Variants in CYBB observed in about 807,000 individuals in gnomAD.
The protein encoded by CYBB is cytochrome b-245 beta chain, also known as NADPH oxidase 2.
Under a neutral mutation model 46.5 loss-of-function variants are expected in CYBB, and 5 were observed. That is an observed-to-expected ratio of 0.11 (90% confidence interval 0.06 to 0.23). The LOEUF (loss-of-function observed/expected upper bound fraction) is 0.23. Ranked by LOEUF, CYBB falls within the 10% of genes least tolerant of loss-of-function variation. CYBB has a pLI of 1.00. For synonymous variants in CYBB, 183 were observed against 156.7 expected, an observed-to-expected ratio of 1.17 and a Z score of -1.26; for missense variants, 307 against 428.3, an observed-to-expected ratio of 0.72 and a Z score of 2.50.
At chrX:37,798,658 A>G (rs1221203408) in intron 6 of CYBB, among the ~76,000 whole-genome samples, 3 of 112,467 alleles carry the variant, frequency 2.7e-5, no homozygotes, top group Non-Finnish European at 3.8e-5. Context: ...TTGTTTGTAA[A>G]TGAAAATGAT....
chrX:37,785,353 A>G (rs17312212), intron 3 of CYBB, among the ~76,000 whole-genome samples: 3,990 of 112,520 alleles, frequency 0.035, 74 homozygotes, highest in Middle Eastern at 0.11. Flanking sequence ...CTGAGAGCTA[A>G]CCAAAACCAA....
rs1427227376 is a variant in CYBB at position 37,811,061 on chromosome X, A to T, written c.*144A>T. On this transcript the variant is annotated 3_prime_UTR_variant, in exon 13 of 13. Transcript: ENST00000378588. ...GTTTTCCCTTAAAGGAATGTCAAAG[A>T]TTGTTTGATAGTGATAAGTTACATT... The T allele has an allele frequency of 1.8e-6, 1 of 557,304 alleles. No homozygotes were observed. Among genetic ancestry groups the T allele is most frequent in the East Asian group, 4.0e-5 (1 of 25,237 alleles). 45.9% of individuals were successfully genotyped at this position (557,304 alleles called of 1,213,427 possible).
intron 2 of CYBB, among the ~76,000 whole-genome samples, chrX:37,782,656 A>G (rs1556464661): frequency 8.9e-6 from 1 of 112,063 alleles, no homozygotes; most frequent in Non-Finnish European, 1.9e-5. Flanking sequence ...AACTTGCTCA[A>G]GGGCCACATC....
In CYBB at chrX:37,806,476, G is replaced by A; in HGVS notation, c.1404G>A (p.Arg468=). ...LQLLESQMQE[R]NNAGFLSYNI... ...TGCTGGAGAGCCAGATGCAGGAAAG[G>A]AACAATGCCGGCTTCCTCAGCTACA... The change falls in exon 11 of 13, where the codon AGG becomes AGA. Residue 468 remains arginine, a synonymous_variant. Coordinates refer to ENST00000378588, the MANE Select transcript of CYBB (RefSeq NM_000397.4). 1 of 1,211,057 alleles carries A rather than the reference G, an allele frequency of 8.3e-7. No homozygotes were observed. Among genetic ancestry groups the A allele is most frequent in the Non-Finnish European group, 1.1e-6 (1 of 895,073 alleles).
At chrX:37,791,682 A>G (rs1419272127) in intron 3 of CYBB, among the ~76,000 whole-genome samples, 2 of 111,761 alleles carry the variant, frequency 1.8e-5, no homozygotes, top group African/African-American at 6.5e-5. Flanking sequence ...TTTTTGTACA[A>G]GTTTATATTT....
At chrX:37,787,235 T>C (rs1354400591) in intron 3 of CYBB, among the ~76,000 whole-genome samples, 1 of 112,178 alleles carries the variant, frequency 8.9e-6, no homozygotes, top group Admixed American at 9.4e-5. Context: ...TGGATATTAC[T>C]GTCAACTTAC....
chrX:37,780,095 G>A lies in CYBB; in HGVS notation c.18G>A (p.Val6=). 8.3e-7 allele frequency: 1 copy of A among 1,210,238 alleles called. No homozygotes were observed. The highest frequency in any genetic ancestry group is 3.0e-5 in the East Asian group (1 of 33,810). MGNWA[V]NEGLSIFVIL... ...CTGCCACCATGGGGAACTGGGCTGT[G>A]AATGAGGGGCTCTCCATTTTTGTCA... is the stretch of plus-strand genomic sequence containing the variant. Residue 6 remains valine, a synonymous_variant, in exon 1 of 13, where the codon GTG becomes GTA. Transcript: ENST00000378588.
intron 3 of CYBB, among the ~76,000 whole-genome samples, chrX:37,786,392 G>T (rs1929066112): frequency 8.9e-6 from 1 of 111,930 alleles, no homozygotes; most frequent in African/African-American, 3.2e-5. Flanking sequence ...TATGATCCTA[G>T]AAAGCCATTA....
Position 37,782,140 on chromosome X carries a change from A to G in CYBB, c.98A>G (p.Tyr33Cys). 1 of 1,209,271 alleles carries G rather than the reference A, an allele frequency of 8.3e-7. No homozygotes were observed. Among genetic ancestry groups the G allele is most frequent in the Non-Finnish European group, 1.1e-6 (1 of 893,099 alleles). Residue 33 changes from tyrosine to cysteine, a missense_variant, in exon 2 of 13, where the codon TAT (tyrosine) becomes TGT (cysteine). Tyr to Cys is a radical substitution (Grantham distance 194, BLOSUM62 -2). Coordinates refer to ENST00000378588, the MANE Select transcript of CYBB (RefSeq NM_000397.4). ...CTCTTTGTCTGGTATTACCGGGTTTATGATATTCCACCTAAGTTCTTTTAC... is the reference window on the plus strand; with the variant it reads ...CTCTTTGTCTGGTATTACCGGGTTTGTGATATTCCACCTAAGTTCTTTTAC... Reference protein sequence around the residue: ...VFLFVWYYRVYDIPPKFFYTR... With the variant: ...VFLFVWYYRVCDIPPKFFYTR...
chrX:37,780,109 C>T lies in CYBB; in HGVS notation c.32C>T (p.Ser11Phe), dbSNP rs1373814247. 3 of 1,207,109 alleles carry T rather than the reference C, an allele frequency of 2.5e-6. No homozygotes were observed. Among genetic ancestry groups the T allele is most frequent in the Non-Finnish European group, 3.4e-6 (3 of 891,658 alleles). The change falls in exon 1 of 13, where the codon TCC (serine) becomes TTC (phenylalanine). Residue 11 changes from serine (S) to phenylalanine (F), a missense_variant. Transcript: ENST00000378588. ...AACTGGGCTGTGAATGAGGGGCTCT[C>T]CATTTTTGTCATTGTAAGTACCAAC... is the stretch of plus-strand genomic sequence containing the variant. MGNWAVNEGL[S>F]IFVILVWLGL...
In CYBB at chrX:37,801,273, G is replaced by A. The variant is rs1556469818; in HGVS notation, c.822G>A (p.Val274=). The change falls in exon 8 of 13, where the codon GTG becomes GTA. Residue 274 remains valine (V), a synonymous_variant. Coordinates refer to ENST00000378588, the MANE Select transcript of CYBB (RefSeq NM_000397.4). ...GNPPMTWKWI[V]GPMFLYLCER... is the part of the protein sequence containing the mutation. ...GATTACAGACTTGGAAATGGATAGT[G>A]GGTCCCATGTTTCTGTATCTCTGTG... 4.1e-6 allele frequency: 5 copies of A among 1,206,197 alleles called. No homozygotes were observed. The Admixed American group carries it at 8.7e-5, about 21-fold the overall frequency.
chrX:37,784,277 A>G (rs1044055837), intron 3 of CYBB, among the ~76,000 whole-genome samples: 4 of 112,358 alleles, frequency 3.6e-5, no homozygotes, highest in African/African-American at 1.3e-4. Context: ...CTACAAGTGT[A>G]CTCAAATAAA....
intron 7 of CYBB, among the ~76,000 whole-genome samples, chrX:37,800,419 A>G (rs1382756052): frequency 8.9e-6 from 1 of 111,852 alleles, no homozygotes; most frequent in Non-Finnish European, 1.9e-5. Flanking sequence ...CTCAATTTCC[A>G]ACAGTAAGTT....
At chrX:37,796,562 C>T (rs1179511174) in intron 6 of CYBB, among the ~76,000 whole-genome samples, 1 of 111,344 alleles carries the variant, frequency 9.0e-6, no homozygotes, top group East Asian at 2.9e-4. Flanking sequence ...TTGATTTAAG[C>T]CCACAGTCAT....
intron 3 of CYBB, among the ~76,000 whole-genome samples, chrX:37,787,420 C>T (rs782786979): frequency 2.0e-4 from 22 of 111,847 alleles, no homozygotes; most frequent in Non-Finnish European, 3.4e-4. Flanking sequence ...TTTTTAGTTC[C>T]ACTTCCCATT....
At chrX:37,805,316 C>G in intron 10 of CYBB, 148 bp downstream of exon 10, 1 of 560,082 alleles carries the variant, frequency 1.8e-6, no homozygotes, top group Non-Finnish European at 2.9e-6. Flanking sequence ...GGCTTTTCTT[C>G]AAAAGAATAT....
At chrX:37,804,205 G>GT (rs1929505327) in intron 9 of CYBB, 75 bp downstream of exon 9, 2 of 1,035,898 alleles carry the variant, frequency 1.9e-6, no homozygotes, top group Non-Finnish European at 2.7e-6. Context: ...CTTCCTCCAT[G>GT]TTTTACTAAG....
chrX:37,782,201 C>A lies in CYBB; in HGVS notation c.141+18C>A, dbSNP rs1556464584. 3.0e-5 allele frequency: 30 copies of A among 1,008,898 alleles called. No homozygotes were observed. Among genetic ancestry groups the A allele is most frequent in the Non-Finnish European group, 4.2e-5 (30 of 710,722 alleles). 83.1% of individuals were successfully genotyped at this position (1,008,898 alleles called of 1,213,427 possible). A position where few individuals can be genotyped will look rare whatever the true frequency, so the allele number is the denominator to read the frequency against. On this transcript the variant is annotated intron_variant, in intron 2 of 12. Coordinates refer to ENST00000378588, the MANE Select transcript of CYBB (RefSeq NM_000397.4). ...TTCTTGGGGTAAGTATAAATTCCAT[C>A]CCATGCAATATTGGCTGGTTCACAT...
intron 8 of CYBB, among the ~76,000 whole-genome samples, chrX:37,803,359 C>T (rs782729871): frequency 7.1e-4 from 79 of 110,778 alleles, no homozygotes; most frequent in Non-Finnish European, 1.2e-3. Context: ...GAAGGCTGAG[C>T]AGGAAACATC....
Sources: gnomAD v4.1 joint callset for allele counts (sites outside exome capture counted in the v4.1 genomes callset) on GRCh38, gnomAD v4.1.1 for gene constraint, MANE v1.5 for transcripts, NCBI Gene and HGNC (gene_info 2026-07-23, HGNC 2026-07-21) for gene names.